Variants in GRM5 observed in about 807,000 individuals in gnomAD.
GRM5 encodes the protein metabotropic glutamate receptor 5.
A neutral mutation model predicts 83.1 loss-of-function variants in GRM5; 19 were observed. The ratio of observed to expected loss-of-function variants is 0.23; its 90% CI spans 0.16 to 0.34. GRM5 has a LOEUF of 0.34. Ranked by LOEUF, GRM5 falls within the 10% of genes least tolerant of loss-of-function variation. The pLI is 1.00. For synonymous variants in GRM5, 675 were observed against 633.6 expected, an observed-to-expected ratio of 1.07 and a Z score of -0.98; for missense variants, 1,160 against 1,588.3, an observed-to-expected ratio of 0.73 and a Z score of 4.58.
intron 2 of GRM5, among the ~76,000 whole-genome samples, chr11:88,967,588 G>A (rs1939026583): frequency 6.6e-6 from 1 of 151,870 alleles, no homozygotes; most frequent in East Asian, 1.9e-4. Context: ...TGCAATAACG[G>A]CATTAATCCA....
chr11:88,606,348 C>A (rs527721568), intron 4 of GRM5, among the ~76,000 whole-genome samples: 1 of 152,162 alleles, frequency 6.6e-6, no homozygotes, highest in Non-Finnish European at 1.5e-5. Flanking sequence ...CAAGGTGAAA[C>A]CCTGTCTCTA....
At chr11:88,645,325 C>A (rs537057585) in intron 4 of GRM5, among the ~76,000 whole-genome samples, 1 of 152,192 alleles carries the variant, frequency 6.6e-6, no homozygotes, top group South Asian at 2.1e-4. Context: ...AAAGTAAGAA[C>A]AGAAAACTGG....
chr11:88,568,412 G>A (rs774989031), intron 7 of GRM5, among the ~76,000 whole-genome samples: 1 of 152,106 alleles, frequency 6.6e-6, no homozygotes, highest in Non-Finnish European at 1.5e-5. Flanking sequence ...GGGATTTCAT[G>A]GGCTTGGCAA....
At chr11:88,829,041 A>AT (rs199514555) in intron 3 of GRM5, among the ~76,000 whole-genome samples, 3,881 of 152,094 alleles carry the variant, frequency 0.026, 173 homozygotes, top group African/African-American at 0.089. Flanking sequence ...AATTAGAAAA[A>AT]AATCTTAAAA....
At chr11:88,990,853 G>C (rs1344753559) in intron 2 of GRM5, among the ~76,000 whole-genome samples, 3 of 151,570 alleles carry the variant, frequency 2.0e-5, no homozygotes, top group Non-Finnish European at 2.9e-5. Context: ...GGTATTGATG[G>C]GACATATTTC....
chr11:88,867,013 T>C (rs947929622), intron 2 of GRM5, among the ~76,000 whole-genome samples: 2 of 151,744 alleles, frequency 1.3e-5, no homozygotes, highest in African/African-American at 4.8e-5. Context: ...ATCAGGTGGT[T>C]GTAGGTTTGT....
At position 88,787,736 on chromosome 11, in the gene GRM5, AAG is replaced by A. The variant is rs1259304610; in HGVS notation, c.911+62168_911+62169del. ...TGGATTGCATTTAGGAGGTAAAGAA[AAG>A]AGAGAGAGGAAAAACAAGTCTTCAT... is the stretch of plus-strand genomic sequence containing the variant. On this transcript the variant is annotated intron_variant, in intron 3 of 9. Coordinates refer to ENST00000305447, the MANE Select transcript of GRM5 (RefSeq NM_001143831.3). Among the ~76,000 whole-genome samples, 4 of 152,222 alleles carry A rather than the reference AAG, an allele frequency of 2.6e-5. No homozygotes were observed. In the East Asian group the frequency reaches 5.8e-4, roughly 22 times the overall value.
At chr11:88,610,692 T>G (rs1938288088) in intron 4 of GRM5, among the ~76,000 whole-genome samples, 1 of 152,224 alleles carries the variant, frequency 6.6e-6, no homozygotes. Flanking sequence ...CCTCTCTTCC[T>G]ATTTGGGTGC....
At chr11:88,983,347 T>G (rs1397815310) in intron 2 of GRM5, among the ~76,000 whole-genome samples, 1 of 152,256 alleles carries the variant, frequency 6.6e-6, no homozygotes. Flanking sequence ...AGAGTTCATG[T>G]GCATAGTAAC....
At chr11:88,804,777 A>T (rs910168348) in intron 3 of GRM5, among the ~76,000 whole-genome samples, 1 of 152,186 alleles carries the variant, frequency 6.6e-6, no homozygotes, top group Non-Finnish European at 1.5e-5. Flanking sequence ...TGGCATGTAC[A>T]CATGGACATA....
rs1175654216 is a variant in GRM5, at chr11:88,652,479, T to C, written c.1147+689A>G. ...AAACACTTAGTTATCATATCACTTA[T>C]AATTTTCAATTGCAATTTTTGTTGG... is the stretch of plus-strand genomic sequence containing the variant. On this transcript the variant is annotated intron_variant, in intron 4 of 9. Coordinates refer to ENST00000305447, the MANE Select transcript of GRM5 (RefSeq NM_001143831.3). Among the ~76,000 whole-genome samples, 5 of 152,204 alleles carry C rather than the reference T, an allele frequency of 3.3e-5. No individual in the cohort carries two copies. The East Asian group carries it at 7.7e-4, about 24-fold the overall frequency.
intron 2 of GRM5, among the ~76,000 whole-genome samples, chr11:89,043,859 T>C (rs1372813857): frequency 2.0e-5 from 3 of 152,170 alleles, no homozygotes; most frequent in Non-Finnish European, 2.9e-5. Context: ...TTGGAAAACC[T>C]GGGTGCTCTC....
chr11:88,678,682 A>G (rs1940398206), intron 3 of GRM5, among the ~76,000 whole-genome samples: 1 of 152,190 alleles, frequency 6.6e-6, no homozygotes, highest in South Asian at 2.1e-4. Context: ...TTTTTTCATT[A>G]CAAATTGATG....
chr11:88,902,077 C>T (rs777382856), intron 2 of GRM5, among the ~76,000 whole-genome samples: 6 of 151,992 alleles, frequency 3.9e-5, no homozygotes, highest in Non-Finnish European at 7.4e-5. Context: ...CCCAAAATGC[C>T]GTGTGTTAAC....
At chr11:88,602,513 C>A (rs1263784993) in intron 5 of GRM5, among the ~76,000 whole-genome samples, 2 of 152,124 alleles carry the variant, frequency 1.3e-5, no homozygotes, top group Non-Finnish European at 2.9e-5. Flanking sequence ...CCTTAATCAC[C>A]CCAGGATCCT....
chr11:88,573,002 T>C (rs1264756593), intron 7 of GRM5, among the ~76,000 whole-genome samples: 1 of 152,206 alleles, frequency 6.6e-6, no homozygotes, highest in Non-Finnish European at 1.5e-5. Context: ...TATTATATTA[T>C]TTTCTAGAAA....
rs187772358 is a variant in GRM5 at position 88,842,650 on chromosome 11, A to G, written c.911+7256T>C. ...ACACAACACTCTTGGTTTCCCATCA[A>G]CATCTCTGGATTTGCCTGTTCCTGT... On this transcript the variant is annotated intron_variant, in intron 3 of 9. Coordinates refer to ENST00000305447, the MANE Select transcript of GRM5 (RefSeq NM_001143831.3). 2.0e-5 allele frequency among the ~76,000 whole-genome samples: 3 copies of G among 152,296 alleles called. No homozygotes were observed. In the East Asian group the frequency reaches 5.8e-4, roughly 29 times the overall value.
intron 3 of GRM5, among the ~76,000 whole-genome samples, chr11:88,840,399 T>TC (rs775829721): frequency 2.6e-5 from 4 of 152,208 alleles, no homozygotes; most frequent in Non-Finnish European, 4.4e-5. Flanking sequence ...AAAGTCATCT[T>TC]CTGTTAATTC....
chr11:88,820,535 A>G (rs1943771793), intron 3 of GRM5, among the ~76,000 whole-genome samples: 2 of 152,174 alleles, frequency 1.3e-5, no homozygotes, highest in South Asian at 4.1e-4. Context: ...TTATAATTTG[A>G]AAAACTATGA....
Sources: gnomAD v4.1 joint callset for allele counts (sites outside exome capture counted in the v4.1 genomes callset) on GRCh38, gnomAD v4.1.1 for gene constraint, MANE v1.5 for transcripts, NCBI Gene and HGNC (gene_info 2026-07-23, HGNC 2026-07-21) for gene names.